The following CMSS1 variants were observed in gnomAD, a reference collection of about 807,000 sequenced individuals.
CMSS1 encodes the protein protein CMSS1.
A neutral mutation model predicts 43.5 loss-of-function variants in CMSS1; 33 were observed. That is an observed-to-expected ratio of 0.76 (90% CI 0.57 to 1.01). CMSS1 has a LOEUF of 1.01. CMSS1 is among the 50% of genes least tolerant of loss of function. CMSS1 has a pLI of 0.00. For synonymous variants in CMSS1, 115 were observed against 117.2 expected, an observed-to-expected ratio of 0.98 and a Z score of 0.12; for missense variants, 313 against 326.4, an observed-to-expected ratio of 0.96 and a Z score of 0.32.
At chr3:100,017,398 T>C (rs1345436629) in intron 1 of CMSS1, among the ~76,000 whole-genome samples, 2 of 152,180 alleles carry the variant, frequency 1.3e-5, no homozygotes, top group Non-Finnish European at 2.9e-5. Flanking sequence ...CCTCTCCCAT[T>C]ATTAGTAACT....
chr3:100,129,819 G>A lies in CMSS1; in HGVS notation c.65-17154G>A, dbSNP rs148105597. Among the ~76,000 whole-genome samples, 31 of 152,130 alleles carry A rather than the reference G, an allele frequency of 2.0e-4. 1 individual carries two copies. The East Asian group carries it at 5.4e-3, about 27-fold the overall frequency. Reference sequence around the variant, plus strand: ...CCAGTGCCATCTTTATCTAAAATTCGTTTTACTAAAGTCATTATTACTATA... The same window carrying A: ...CCAGTGCCATCTTTATCTAAAATTCATTTTACTAAAGTCATTATTACTATA... On this transcript the variant is annotated intron_variant, in intron 1 of 9. Transcript: ENST00000421999.
intron 1 of CMSS1, among the ~76,000 whole-genome samples, chr3:99,830,955 C>G (rs1269432501): frequency 1.3e-5 from 2 of 152,162 alleles, no homozygotes; most frequent in African/African-American, 2.4e-5. Context: ...ATGAGATTGT[C>G]TTTAAGAGTG....
At chr3:99,982,676 T>A (rs540794183) in intron 1 of CMSS1, among the ~76,000 whole-genome samples, 1 of 152,250 alleles carries the variant, frequency 6.6e-6, no homozygotes, top group African/African-American at 2.4e-5. Context: ...TATTTTTGAA[T>A]CACTGAAGTG....
At chr3:99,913,280 A>C (rs116088203) in intron 1 of CMSS1, among the ~76,000 whole-genome samples, 1,764 of 152,328 alleles carry the variant, frequency 0.012, 19 homozygotes, top group African/African-American at 0.026. Flanking sequence ...TGAGGAACTG[A>C]CAGACTATTT....
At chr3:100,130,935 G>A (rs1219383458) in intron 1 of CMSS1, among the ~76,000 whole-genome samples, 1 of 152,264 alleles carries the variant, frequency 6.6e-6, no homozygotes. Context: ...TGAAGTGATG[G>A]GTTGGGAACC....
chr3:100,051,001 T>C (rs559870693), intron 1 of CMSS1, among the ~76,000 whole-genome samples: 156 of 152,304 alleles, frequency 1.0e-3, no homozygotes, highest in African/African-American at 3.5e-3. Context: ...TAGGTAGCAG[T>C]TTCTTCTTGC....
intron 1 of CMSS1, among the ~76,000 whole-genome samples, chr3:99,955,491 T>C (rs2107694235): frequency 6.6e-6 from 1 of 152,318 alleles, no homozygotes; most frequent in Middle Eastern, 3.4e-3. Context: ...CGGAATTTAG[T>C]GGCCCAAGTT....
At chr3:100,074,637 T>C (rs867525615) in intron 1 of CMSS1, among the ~76,000 whole-genome samples, 3 of 149,342 alleles carry the variant, frequency 2.0e-5, no homozygotes, top group East Asian at 2.0e-4. Context: ...TTCCCAATGT[T>C]TCTTTTAATC....
intron 1 of CMSS1, among the ~76,000 whole-genome samples, chr3:100,133,922 C>T (rs1275569338): frequency 6.6e-6 from 1 of 152,106 alleles, no homozygotes; most frequent in Admixed American, 6.6e-5. Flanking sequence ...GAGCATTATA[C>T]CTACCTTGAA....
chr3:100,120,290 T>C (rs917448480), intron 1 of CMSS1, among the ~76,000 whole-genome samples: 6 of 152,254 alleles, frequency 3.9e-5, no homozygotes, highest in African/African-American at 1.2e-4. Flanking sequence ...CATATGTCAC[T>C]GCATTGCTTT....
chr3:99,901,847 T>G (rs1487690976), intron 1 of CMSS1, among the ~76,000 whole-genome samples: 1 of 152,110 alleles, frequency 6.6e-6, no homozygotes, highest in Non-Finnish European at 1.5e-5. Flanking sequence ...TTTTTAAGAT[T>G]TATACATTTG....
At chr3:99,890,037 T>G (rs1379922287) in intron 1 of CMSS1, among the ~76,000 whole-genome samples, 1 of 152,144 alleles carries the variant, frequency 6.6e-6, no homozygotes, top group African/African-American at 2.4e-5. Context: ...TCCTTCAATC[T>G]AAATGCATCC....
chr3:99,921,802 G>T (rs1707131819), intron 1 of CMSS1, among the ~76,000 whole-genome samples: 1 of 151,992 alleles, frequency 6.6e-6, no homozygotes, highest in African/African-American at 2.4e-5. Flanking sequence ...TTCATATATT[G>T]ATTTAGTAGT....
At chr3:99,838,016 T>C (rs1942970159) in intron 1 of CMSS1, among the ~76,000 whole-genome samples, 1 of 152,224 alleles carries the variant, frequency 6.6e-6, no homozygotes, top group South Asian at 2.1e-4. Context: ...TTCTGATGCT[T>C]TTCTATCCCA....
chr3:99,942,620 T>C (rs1014802618), intron 1 of CMSS1, among the ~76,000 whole-genome samples: 1 of 152,052 alleles, frequency 6.6e-6, no homozygotes, highest in Admixed American at 6.5e-5. Flanking sequence ...TCACCTGAGG[T>C]CAGGAGTTCA....
chr3:99,865,627 T>C (rs1944475068), intron 1 of CMSS1, among the ~76,000 whole-genome samples: 1 of 152,162 alleles, frequency 6.6e-6, no homozygotes, highest in Non-Finnish European at 1.5e-5. Flanking sequence ...TAACATCTCA[T>C]GTTCCCCAGA....
intron 1 of CMSS1, among the ~76,000 whole-genome samples, chr3:100,019,634 C>T (rs904345638): frequency 6.6e-6 from 1 of 152,118 alleles, no homozygotes; most frequent in African/African-American, 2.4e-5. Context: ...GATATCTTGA[C>T]TATTGCTGTT....
chr3:100,147,460 A>G (rs2066863754), intron 2 of CMSS1, among the ~76,000 whole-genome samples: 1 of 151,610 alleles, frequency 6.6e-6, no homozygotes, highest in African/African-American at 2.4e-5. Flanking sequence ...TTTTGTAGAG[A>G]TGAGGTTTCT....
intron 1 of CMSS1, among the ~76,000 whole-genome samples, chr3:100,089,486 A>T (rs970161556): frequency 6.6e-6 from 1 of 152,204 alleles, no homozygotes; most frequent in Non-Finnish European, 1.5e-5. Flanking sequence ...GTAGATGGAG[A>T]TGAAGATATG....
Sources: allele counts gnomAD v4.1 joint callset (sites outside exome capture counted in the v4.1 genomes callset), GRCh38; gene constraint gnomAD v4.1.1; transcripts MANE v1.5; gene names NCBI Gene and HGNC (gene_info 2026-07-23, HGNC 2026-07-21).